The following ADAMTSL1 variants were observed in gnomAD, a reference collection of about 807,000 sequenced individuals.
ADAMTSL1 encodes ADAMTS-like protein 1.
Under a neutral mutation model 201.8 loss-of-function variants are expected in ADAMTSL1, and 126 were observed. The observed-to-expected ratio is 0.62, with a 90% CI of 0.54 to 0.72. ADAMTSL1 has a LOEUF of 0.72. Among genes scored for constraint, ADAMTSL1 ranks in the 30% least tolerant of loss-of-function variants. ADAMTSL1 has a pLI of 0.00. For missense variants in ADAMTSL1, 2,679 were observed against 2,277.8 expected, an observed-to-expected ratio of 1.18 and a Z score of -3.59; for synonymous variants, 1,121 against 903.4, an observed-to-expected ratio of 1.24 and a Z score of -4.32.
At chr9:18,218,900 G>T (rs1031931549) in intron 2 of ADAMTSL1, among the ~76,000 whole-genome samples, 3 of 151,966 alleles carry the variant, frequency 2.0e-5, no homozygotes, top group Non-Finnish European at 2.9e-5. Context: ...ACAGTTAGAT[G>T]TCCAGTTTAT....
At position 18,849,892 on chromosome 9, in the gene ADAMTSL1, T is replaced by C. The variant is rs185522364; in HGVS notation, c.4249+19915T>C. ...TCCAAAGTGGAGTATAGAGACCCCA[T>C]AGGGACTGCAGAAAGCTCTATACAT... On this transcript the variant is annotated intron_variant, in intron 23 of 28. Transcript: ENST00000380548. Among the ~76,000 whole-genome samples the C allele has an allele frequency of 1.9e-4, 29 of 152,298 alleles. No individual in the cohort carries two copies. The East Asian group carries it at 4.6e-3, about 24-fold the overall frequency.
chr9:18,570,905 A>C (rs1458017084), intron 3 of ADAMTSL1, among the ~76,000 whole-genome samples: 1 of 152,244 alleles, frequency 6.6e-6, no homozygotes, highest in Non-Finnish European at 1.5e-5. Context: ...AACTTGTAAC[A>C]GGTGTTCCTG....
In ADAMTSL1 at chr9:18,381,924, C is replaced by T. The variant is rs377410052; in HGVS notation, c.208-122905C>T. Among the ~76,000 whole-genome samples, 11 of 152,160 alleles carry T rather than the reference C, an allele frequency of 7.2e-5. No homozygotes were observed. The East Asian group carries it at 1.5e-3, about 21-fold the overall frequency. On this transcript the variant is annotated intron_variant, in intron 2 of 29. Coordinates refer to the ADAMTSL1 transcript ENST00000680146. ...CTTTAATTTAAAGTGTAGTGGTTTT[C>T]GATGTTTTCTTTTTCCCTTCCCTAG...
At chr9:18,438,593 CTT>C (rs1819855955) in intron 2 of ADAMTSL1, among the ~76,000 whole-genome samples, 1 of 152,224 alleles carries the variant, frequency 6.6e-6, no homozygotes, top group Non-Finnish European at 1.5e-5. Context: ...GCACTGCCCT[CTT>C]GCATTCGCTT....
rs768924839 is a variant in ADAMTSL1, at chr9:18,908,608, G to T, written c.*60G>T. The T allele has an allele frequency of 7.6e-7, 1 of 1,313,710 alleles. No homozygotes were observed. Among genetic ancestry groups the T allele is most frequent in the African/African-American group, 1.5e-5 (1 of 67,738 alleles). The allele number at this position is 1,313,710 out of a possible 1,614,324, so 81.4% of individuals were successfully genotyped here. A position where few individuals can be genotyped will look rare whatever the true frequency, so the allele number is the denominator to read the frequency against. On this transcript the variant is annotated 3_prime_UTR_variant, in exon 29 of 29. Transcript: ENST00000380548. ...CACGAAGGACTCACGCAACCACCTC[G>T]GACAGAACCTAAGCTTTCTTCATTT...
intron 4 of ADAMTSL1, among the ~76,000 whole-genome samples, chr9:18,577,643 G>A (rs1471552681): frequency 6.6e-6 from 1 of 152,136 alleles, no homozygotes; most frequent in African/African-American, 2.4e-5. Flanking sequence ...AAATATATGT[G>A]AAAATGTTTA....
chr9:18,828,660 TTATATATA>T (rs1554643931), intron 22 of ADAMTSL1, among the ~76,000 whole-genome samples: 2 of 28,532 alleles, frequency 7.0e-5, no homozygotes, highest in Admixed American at 2.9e-4. Flanking sequence ...GAAAGTATAT[TTATATATA>T]TATATATATA....
intron 1 of ADAMTSL1, among the ~76,000 whole-genome samples, chr9:18,103,553 A>G (rs1246032639): frequency 1.3e-5 from 2 of 152,178 alleles, no homozygotes; most frequent in Non-Finnish European, 2.9e-5. Flanking sequence ...TTCTTATAGC[A>G]AGTGGGCAAT....
chr9:18,086,111 T>G (rs1727031463), intron 1 of ADAMTSL1, among the ~76,000 whole-genome samples: 1 of 152,088 alleles, frequency 6.6e-6, no homozygotes, highest in South Asian at 2.1e-4. Flanking sequence ...GAGATAATTT[T>G]TTGAGGGAAA....
intron 2 of ADAMTSL1, among the ~76,000 whole-genome samples, chr9:18,359,580 T>G (rs1229019820): frequency 1.3e-5 from 2 of 152,194 alleles, no homozygotes; most frequent in Admixed American, 1.3e-4. Flanking sequence ...CGGATATGAC[T>G]CTGAATGTCT....
chr9:18,448,422 AGAAAAGG>A (rs545052145), intron 2 of ADAMTSL1, among the ~76,000 whole-genome samples: 81 of 152,308 alleles, frequency 5.3e-4, no homozygotes, highest in African/African-American at 1.9e-3. Flanking sequence ...ACTGCCAGGG[AGAAAAGG>A]GAAAGAATTA....
intron 1 of ADAMTSL1, among the ~76,000 whole-genome samples, chr9:18,072,910 A>G (rs1823032122): frequency 1.3e-5 from 2 of 152,122 alleles, no homozygotes; most frequent in Non-Finnish European, 2.9e-5. Flanking sequence ...TAAAGATTGT[A>G]TTTGTTGTCC....
At chr9:18,334,892 A>C (rs1205882888) in intron 2 of ADAMTSL1, among the ~76,000 whole-genome samples, 1 of 152,162 alleles carries the variant, frequency 6.6e-6, no homozygotes, top group Non-Finnish European at 1.5e-5. Context: ...TCATTTGGTC[A>C]ATTTTCTAAG....
chr9:17,992,790 A>C (rs1819213414), intron 1 of ADAMTSL1, among the ~76,000 whole-genome samples: 2 of 152,204 alleles, frequency 1.3e-5, no homozygotes, highest in African/African-American at 4.8e-5. Context: ...ATAACTTACG[A>C]GAAGAAAACT....
intron 1 of ADAMTSL1, among the ~76,000 whole-genome samples, chr9:18,048,246 G>C (rs945191620): frequency 5.9e-5 from 9 of 152,098 alleles, no homozygotes; most frequent in Non-Finnish European, 1.2e-4. Context: ...TTTATTTGTA[G>C]TTTGTAGTCT....
At chr9:18,501,401 C>G (rs1358158089) in intron 1 of ADAMTSL1, among the ~76,000 whole-genome samples, 2 of 150,478 alleles carry the variant, frequency 1.3e-5, no homozygotes, top group Non-Finnish European at 3.0e-5. Flanking sequence ...GTCCCAGCTA[C>G]TCAAGAGGCT....
At chr9:18,258,227 C>A (rs1414938224) in intron 2 of ADAMTSL1, among the ~76,000 whole-genome samples, 1 of 151,950 alleles carries the variant, frequency 6.6e-6, no homozygotes, top group Non-Finnish European at 1.5e-5. Flanking sequence ...ATGTATTTAC[C>A]AGTAATAAAA....
intron 2 of ADAMTSL1, among the ~76,000 whole-genome samples, chr9:18,269,091 T>C (rs938505442): frequency 2.0e-5 from 3 of 152,152 alleles, no homozygotes; most frequent in Non-Finnish European, 2.9e-5. Flanking sequence ...AAACCAGATA[T>C]ATGTTAATTT....
intron 23 of ADAMTSL1, among the ~76,000 whole-genome samples, chr9:18,847,334 A>G (rs535505243): frequency 6.6e-6 from 1 of 152,308 alleles, no homozygotes; most frequent in South Asian, 2.1e-4. Context: ...CACTGATACA[A>G]CAGACACACT....
Sources: allele counts gnomAD v4.1 joint callset (sites outside exome capture counted in the v4.1 genomes callset), GRCh38; gene constraint gnomAD v4.1.1; transcripts MANE v1.5; gene names NCBI Gene and HGNC (gene_info 2026-07-23, HGNC 2026-07-21).